ATP10B: variants seen among roughly 807,000 people sequenced by gnomAD.
ATP10B encodes phospholipid-transporting ATPase VB.
ATP10B carries 122 observed loss-of-function variants against 141.2 expected under a neutral mutation model. The observed-to-expected ratio is 0.86, with a 90% CI of 0.75 to 1.00. ATP10B has a LOEUF of 1.00. Ranked by LOEUF, ATP10B falls within the 50% of genes least tolerant of loss-of-function variation. The probability of loss-of-function intolerance (pLI) is 0.00; values close to 1 mark genes in which losing one functional copy is unlikely to be tolerated. For missense variants in ATP10B, 1,876 were observed against 1,825.3 expected (o/e 1.03, Z -0.51); for synonymous variants, 685 against 692.0 (o/e 0.99, Z 0.16).
intron 1 of ATP10B, among the ~76,000 whole-genome samples, chr5:160,828,818 C>A (rs1774833129): frequency 6.6e-6 from 1 of 151,164 alleles, no homozygotes; most frequent in Non-Finnish European, 1.5e-5. Context: ...AAATGCCCAA[C>A]AATGATAGAC....
chr5:160,585,974 ATTTTAC>A lies in ATP10B; in HGVS notation c.3750+3612_3750+3617del, dbSNP rs142160978. On this transcript the variant is annotated intron_variant, in intron 24 of 25. Transcript: ENST00000327245. ...TGGAGCAGGATTTTAAAAAATTTTT[ATTTTAC>A]TTTAAGTTCCGGGATACATGTACAG... Among the ~76,000 whole-genome samples the A allele has an allele frequency of 9.4e-3, 1,424 of 152,036 alleles. 15 individuals carry two copies. Among genetic ancestry groups the A allele is most frequent in the African/African-American group, 0.032 (1,344 of 41,468 alleles).
At chr5:160,832,410 T>C (rs893103105) in intron 1 of ATP10B, among the ~76,000 whole-genome samples, 1 of 152,148 alleles carries the variant, frequency 6.6e-6, no homozygotes, top group African/African-American at 2.4e-5. Context: ...TATGTACTAA[T>C]AGGGAAAAAT....
At chr5:160,765,197 A>T (rs1372025603) in intron 2 of ATP10B, among the ~76,000 whole-genome samples, 4 of 152,152 alleles carry the variant, frequency 2.6e-5, no homozygotes, top group Admixed American at 1.3e-4. Context: ...TGCCACCATT[A>T]TTCCTCACAG....
chr5:160,884,197 A>G, the ATP10B span, among the ~76,000 whole-genome samples: 3 of 152,292 alleles, frequency 2.0e-5, no homozygotes, highest in Non-Finnish European at 2.9e-5. Flanking sequence ...CCATCTTGTA[A>G]CAGTCTTTTG....
the ATP10B span, among the ~76,000 whole-genome samples, chr5:160,926,936 A>G: frequency 6.6e-6 from 1 of 152,250 alleles, no homozygotes; most frequent in Non-Finnish European, 1.5e-5. Flanking sequence ...CTTTTGAGCA[A>G]GAGCTGTATT....
chr5:160,786,288 G>A (rs889529134), intron 1 of ATP10B, among the ~76,000 whole-genome samples: 1 of 152,166 alleles, frequency 6.6e-6, no homozygotes, highest in Non-Finnish European at 1.5e-5. Context: ...GCAGTTTTGA[G>A]TGAGAGGTAC....
chr5:160,725,045 C>A (rs1766239739), intron 2 of ATP10B, among the ~76,000 whole-genome samples: 1 of 152,092 alleles, frequency 6.6e-6, no homozygotes, highest in South Asian at 2.1e-4. Context: ...ATGTAGGAAA[C>A]ACTAAATAAA....
chr5:160,760,568 C>T (rs142197237), intron 2 of ATP10B, among the ~76,000 whole-genome samples: 3 of 152,232 alleles, frequency 2.0e-5, no homozygotes, highest in East Asian at 3.9e-4. Context: ...AAAAGAAAAA[C>T]AAAATAAAAA....
chr5:160,708,796 T>G (rs768067174), intron 3 of ATP10B, among the ~76,000 whole-genome samples: 10 of 152,218 alleles, frequency 6.6e-5, no homozygotes, highest in Non-Finnish European at 1.2e-4. Context: ...GCTGTCTGTC[T>G]AGGGAAAAAT....
At chr5:160,602,529 G>A (rs750676491) in intron 21 of ATP10B, 48 bp downstream of exon 21, 80 of 1,610,562 alleles carry the variant, frequency 5.0e-5, no homozygotes, top group Non-Finnish European at 6.7e-5. Flanking sequence ...TGGCCCCGTG[G>A]CAAGGCCTGC....
In ATP10B at chr5:160,631,994, A is replaced by G. The variant is rs1035445066; in HGVS notation, c.1620+135T>C. 1.0e-5 allele frequency: 7 copies of G among 678,878 alleles called. No homozygotes were observed. The Admixed American group carries it at 1.6e-4, about 15-fold the overall frequency. 42.1% of individuals were successfully genotyped at this position (678,878 alleles called of 1,614,324 possible). On this transcript the variant is annotated intron_variant, in intron 13 of 25. Coordinates refer to ENST00000327245, the MANE Select transcript of ATP10B (RefSeq NM_025153.3). Reference sequence around the variant, plus strand: ...CTATGCCAACAAAACACATGTGTGGAGTATGTACAAAACCAAGGGCACCAT... The same window carrying G: ...CTATGCCAACAAAACACATGTGTGGGGTATGTACAAAACCAAGGGCACCAT...
At chr5:160,678,490 C>T (rs914011349) in intron 6 of ATP10B, among the ~76,000 whole-genome samples, 2 of 152,144 alleles carry the variant, frequency 1.3e-5, no homozygotes, top group African/African-American at 4.8e-5. Context: ...GAAACCCCGT[C>T]TCTACTAAAA....
chr5:160,641,228 C>A (rs1277125592), intron 9 of ATP10B, among the ~76,000 whole-genome samples: 1 of 152,178 alleles, frequency 6.6e-6, no homozygotes, highest in Non-Finnish European at 1.5e-5. Flanking sequence ...GCAGAGTTGG[C>A]AGCAGAGTTT....
chr5:160,840,058 C>T lies in ATP10B; in HGVS notation c.-576+11883G>A, dbSNP rs139200909. ...ATATGTTCAAATGTATATGAAGAAA[C>T]TATAAATACCTCTGAAAGATGCAAA... On this transcript the variant is annotated intron_variant, in intron 1 of 25. Coordinates refer to ENST00000327245, the MANE Select transcript of ATP10B (RefSeq NM_025153.3). Among the ~76,000 whole-genome samples the T allele has an allele frequency of 9.2e-4, 140 of 152,012 alleles. 3 individuals are homozygous for T. In the East Asian group the frequency reaches 0.022, roughly 24 times the overall value.
At chr5:160,695,493 T>A (rs774422429) in intron 3 of ATP10B, among the ~76,000 whole-genome samples, 3 of 3,422 alleles carry the variant, frequency 8.8e-4, no homozygotes, top group Non-Finnish European at 2.1e-3. Context: ...TGAGTGAGTG[T>A]GTGTGTGTGT....
the ATP10B span, among the ~76,000 whole-genome samples, chr5:160,899,967 C>G: frequency 1.3e-5 from 2 of 152,204 alleles, no homozygotes; most frequent in Non-Finnish European, 2.9e-5. Context: ...CCCCCATCAG[C>G]CACTCCAAGG....
At chr5:160,844,883 A>G (rs559452476) in intron 1 of ATP10B, among the ~76,000 whole-genome samples, 1 of 152,302 alleles carries the variant, frequency 6.6e-6, no homozygotes, top group South Asian at 2.1e-4. Context: ...CATGTTAAAA[A>G]TACACATAAA....
intron 3 of ATP10B, among the ~76,000 whole-genome samples, 151 bp downstream of exon 3, chr5:160,716,758 G>A (rs1007994189): frequency 2.6e-5 from 4 of 152,192 alleles, no homozygotes; most frequent in African/African-American, 7.2e-5. Flanking sequence ...AGGTCCTGCG[G>A]GACCCCGTTT....
At position 160,688,084 on chromosome 5, in the gene ATP10B, C is replaced by G; in HGVS notation, c.-10G>C. ...CCACTGAGAGGGCCATTTCCAGCAGCAGGCGAAGATCTGAAAACAGACACA... is the reference window on the plus strand; with the variant it reads ...CCACTGAGAGGGCCATTTCCAGCAGGAGGCGAAGATCTGAAAACAGACACA... On this transcript the variant is annotated 5_prime_UTR_variant, in exon 5 of 26. Coordinates refer to ENST00000327245, the MANE Select transcript of ATP10B (RefSeq NM_025153.3). 1 of 1,609,038 alleles carries G rather than the reference C, an allele frequency of 6.2e-7. No homozygotes were observed. The highest frequency in any genetic ancestry group is 2.2e-5 in the East Asian group (1 of 44,836).
Sources: allele counts gnomAD v4.1 joint callset (sites outside exome capture counted in the v4.1 genomes callset), GRCh38; gene constraint gnomAD v4.1.1; transcripts MANE v1.5; gene names NCBI Gene and HGNC (gene_info 2026-07-23, HGNC 2026-07-21).